The following NF1 variants were observed in gnomAD, a reference collection of about 807,000 sequenced individuals.
The protein encoded by NF1 is neurofibromin 1, also known as neurofibromin.
NF1 carries 122 observed loss-of-function variants against 325.7 expected under a neutral mutation model. The observed-to-expected ratio is 0.37, with a 90% CI of 0.32 to 0.44. NF1 has a LOEUF of 0.44. NF1 is among the 20% of genes least tolerant of loss of function. The probability of loss-of-function intolerance (pLI) is 1.00; values close to 1 mark genes in which losing one functional copy is unlikely to be tolerated. For missense variants in NF1, 2,140 were observed against 3,415.4 expected (o/e 0.63, Z 9.31); for synonymous variants, 1,091 against 1,186.0 (o/e 0.92, Z 1.65).
At chr17:31,246,560 ATACT>A (rs2067394387) in intron 29 of NF1, among the ~76,000 whole-genome samples, 1 of 152,220 alleles carries the variant, frequency 6.6e-6, no homozygotes, top group Non-Finnish European at 1.5e-5. Flanking sequence ...ACATAGGTAA[ATACT>A]TCCTTCAAGG....
intron 13 of NF1, among the ~76,000 whole-genome samples, chr17:31,216,800 A>G (rs2066826818): frequency 6.6e-6 from 1 of 152,078 alleles, no homozygotes; most frequent in Admixed American, 6.5e-5. Context: ...CCTTTACTCT[A>G]TTCATGATGG....
intron 35 of NF1, among the ~76,000 whole-genome samples, chr17:31,262,358 C>T (rs1351892499): frequency 6.6e-6 from 1 of 152,116 alleles, no homozygotes; most frequent in Non-Finnish European, 1.5e-5. Flanking sequence ...TTTCTGTGGA[C>T]ATTTGTTTGA....
intron 5 of NF1, among the ~76,000 whole-genome samples, chr17:31,171,451 A>C (rs962995796): frequency 2.0e-5 from 3 of 152,200 alleles, no homozygotes; most frequent in Non-Finnish European, 4.4e-5. Flanking sequence ...ATAACTATTC[A>C]GTGATGTTTT....
At chr17:31,222,026 C>T (rs1257532826) in intron 15 of NF1, 97 bp downstream of exon 15, 103 of 1,324,204 alleles carry the variant, frequency 7.8e-5, no homozygotes, top group Non-Finnish European at 9.7e-5. Flanking sequence ...CATTGTAAAA[C>T]TTACACTTCC....
intron 1 of NF1, among the ~76,000 whole-genome samples, chr17:31,107,143 G>A (rs991105875): frequency 6.6e-6 from 1 of 151,670 alleles, no homozygotes; most frequent in Admixed American, 6.6e-5. Context: ...GTCTTTATCG[G>A]TGCCTTCTAT....
intron 36 of NF1, among the ~76,000 whole-genome samples, chr17:31,290,324 A>T (rs1034774946): frequency 2.0e-5 from 3 of 152,048 alleles, no homozygotes; most frequent in African/African-American, 7.3e-5. Context: ...TCACTTTGTC[A>T]GTGTATCACA....
intron 57 of NF1, among the ~76,000 whole-genome samples, chr17:31,362,616 C>CT (rs1264546534): frequency 1.3e-5 from 2 of 152,058 alleles, no homozygotes; most frequent in African/African-American, 4.8e-5. Flanking sequence ...CCCACCAGTT[C>CT]TTTTTTTTCT....
chr17:31,270,615 A>G (rs2067875564), intron 36 of NF1, among the ~76,000 whole-genome samples: 1 of 152,208 alleles, frequency 6.6e-6, no homozygotes, highest in Admixed American at 6.5e-5. Context: ...CTCTGAAAGA[A>G]TACATTAAAA....
chr17:31,273,644 C>A (rs545284445), intron 36 of NF1: 1 of 152,296 alleles, frequency 6.6e-6, no homozygotes, highest in African/African-American at 2.4e-5. Flanking sequence ...AATCTGATTT[C>A]TCACTCACTG....
chr17:31,180,110 A>G (rs2143766758), intron 5 of NF1, among the ~76,000 whole-genome samples: 1 of 152,344 alleles, frequency 6.6e-6, no homozygotes, highest in South Asian at 2.1e-4. Context: ...AATAATTAAT[A>G]GCCTACCAAC....
intron 13 of NF1, 58 bp downstream of exon 13, chr17:31,214,643 C>A (rs2143961612): frequency 6.4e-7 from 1 of 1,551,238 alleles, no homozygotes; most frequent in Admixed American, 1.7e-5. Flanking sequence ...TTGGGTTTAG[C>A]TGAAACGCCA....
chr17:31,302,447 T>A (rs576456146), intron 36 of NF1, among the ~76,000 whole-genome samples: 1 of 152,252 alleles, frequency 6.6e-6, no homozygotes, highest in African/African-American at 2.4e-5. Context: ...TGGCCAAGTA[T>A]AAAAACATAT....
intron 35 of NF1, among the ~76,000 whole-genome samples, chr17:31,264,057 G>C (rs1474639892): frequency 6.6e-6 from 1 of 152,030 alleles, no homozygotes; most frequent in Non-Finnish European, 1.5e-5. Flanking sequence ...CTCTTCCCAA[G>C]ACATAAGGCT....
intron 29 of NF1, among the ~76,000 whole-genome samples, chr17:31,245,386 A>G (rs2067372543): frequency 6.6e-6 from 1 of 152,160 alleles, no homozygotes; most frequent in Admixed American, 6.5e-5. Context: ...GATACCAACC[A>G]GGTGTCCTTG....
chr17:31,315,954 G>T (rs910407789), intron 36 of NF1, among the ~76,000 whole-genome samples: 6 of 152,042 alleles, frequency 3.9e-5, no homozygotes, highest in African/African-American at 1.4e-4. Flanking sequence ...TACGGACAGG[G>T]TATTGCTGTG....
intron 36 of NF1, among the ~76,000 whole-genome samples, chr17:31,269,611 G>C (rs2067854369): frequency 6.6e-6 from 1 of 152,208 alleles, no homozygotes; most frequent in South Asian, 2.1e-4. Flanking sequence ...ACTAGCTGCA[G>C]AGCTTTAAAC....
chr17:31,206,242 C>G lies in NF1; in HGVS notation c.1263C>G (p.Ser421=), dbSNP rs767410768. The G allele has an allele frequency of 6.2e-7, 1 of 1,613,522 alleles. No individual in the cohort carries two copies. The highest frequency in any genetic ancestry group is 8.5e-7 in the Non-Finnish European group (1 of 1,179,632). The part of the protein sequence containing the change: ...VNSLHRIITN[S]ALDWWPKIDA... ...TATTGGTCTTTGTTTTTCTCTAGTC[C>G]GCATTGGATTGGTGGCCTAAGATTG... is the stretch of plus-strand genomic sequence containing the variant. Residue 421 remains serine, a splice_region_variant and synonymous_variant, in exon 12 of 58, where the codon TCC becomes TCG. Transcript: ENST00000358273.
chr17:31,293,192 AAAAAAAAAAAAAAAAAAAAG>A (rs1300032685), intron 36 of NF1, among the ~76,000 whole-genome samples: 2 of 119,604 alleles, frequency 1.7e-5, no homozygotes, highest in East Asian at 4.1e-4. Context: ...AAAAAAAAAA[AAAAAAAAAAAAAAAAAAAAG>A]AAACCTACTT....
intron 1 of NF1, among the ~76,000 whole-genome samples, chr17:31,095,763 AG>A (rs1331349577): frequency 6.6e-6 from 1 of 152,112 alleles, no homozygotes; most frequent in Non-Finnish European, 1.5e-5. Context: ...GGTAACGTTT[AG>A]GGGTTCTCTC....
Sources: allele counts gnomAD v4.1 joint callset (sites outside exome capture counted in the v4.1 genomes callset), GRCh38; gene constraint gnomAD v4.1.1; transcripts MANE v1.5; gene names NCBI Gene and HGNC (gene_info 2026-07-23, HGNC 2026-07-21).